Variants in DCC observed in about 807,000 individuals in gnomAD.
The protein encoded by DCC is DCC netrin 1 receptor.
A neutral mutation model predicts 172.5 loss-of-function variants in DCC; 58 were observed. The ratio of observed to expected loss-of-function variants is 0.34; its 90% CI spans 0.27 to 0.42. The LOEUF (loss-of-function observed/expected upper bound fraction) is 0.42, where lower values mean the gene tolerates loss of function less well. Ranked by LOEUF, DCC falls within the 10% of genes least tolerant of loss-of-function variation. The pLI is 1.00. For synonymous variants in DCC, 709 were observed against 644.5 expected, an observed-to-expected ratio of 1.10 and a Z score of -1.52; for missense variants, 1,740 against 1,791.0, an observed-to-expected ratio of 0.97 and a Z score of 0.51.
intron 2 of DCC, among the ~76,000 whole-genome samples, chr18:52,813,663 G>GT (rs900082572): frequency 6.6e-6 from 1 of 152,194 alleles, no homozygotes; most frequent in Non-Finnish European, 1.5e-5. Context: ...CTGTGAGGTT[G>GT]TTTTTGGTTG....
intron 2 of DCC, among the ~76,000 whole-genome samples, chr18:52,874,595 T>C (rs1312440231): frequency 3.9e-5 from 6 of 152,212 alleles, no homozygotes; most frequent in Admixed American, 1.3e-4. Context: ...TCATATCTCT[T>C]TTATGGGTCT....
At chr18:53,297,330 A>G (rs1337056773) in intron 12 of DCC, among the ~76,000 whole-genome samples, 1 of 152,204 alleles carries the variant, frequency 6.6e-6, no homozygotes, top group African/African-American at 2.4e-5. Context: ...TTTACTTGGC[A>G]AATAAATAAT....
chr18:52,885,653 CTG>C (rs1304415345), intron 2 of DCC, among the ~76,000 whole-genome samples: 1 of 152,134 alleles, frequency 6.6e-6, no homozygotes, highest in Non-Finnish European at 1.5e-5. Context: ...CTTTACCCCA[CTG>C]TGGCCAAAGC....
chr18:52,502,650 T>G (rs554248742), intron 1 of DCC, among the ~76,000 whole-genome samples: 15 of 152,148 alleles, frequency 9.9e-5, no homozygotes, highest in Non-Finnish European at 1.5e-4. Flanking sequence ...AAATAGCCAA[T>G]CCATTGCTGG....
At chr18:53,271,422 G>A (rs948646726) in intron 12 of DCC, among the ~76,000 whole-genome samples, 7 of 152,298 alleles carry the variant, frequency 4.6e-5, no homozygotes, top group Middle Eastern at 3.4e-3. Context: ...TCAGCTGGGT[G>A]CCTGTGGCTC....
At chr18:52,915,743 A>T (rs1189385436) in intron 3 of DCC, among the ~76,000 whole-genome samples, 1 of 152,142 alleles carries the variant, frequency 6.6e-6, no homozygotes, top group East Asian at 1.9e-4. Context: ...GAGGCAGAAA[A>T]GAGGAAGGAA....
chr18:53,330,747 T>C (rs1014945045), intron 14 of DCC, among the ~76,000 whole-genome samples: 2 of 152,180 alleles, frequency 1.3e-5, no homozygotes, highest in Non-Finnish European at 2.9e-5. Context: ...CAAGTGTATT[T>C]TCACATATAT....
chr18:53,472,964 A>T (rs2045716294), intron 25 of DCC, among the ~76,000 whole-genome samples: 1 of 152,180 alleles, frequency 6.6e-6, no homozygotes, highest in African/African-American at 2.4e-5. Context: ...CTCATTGCTG[A>T]TCCACAAATA....
chr18:52,909,073 TTGAG>T (rs958506469), intron 3 of DCC, among the ~76,000 whole-genome samples: 10 of 152,064 alleles, frequency 6.6e-5, no homozygotes, highest in East Asian at 1.9e-4. Context: ...AAGTACAAGA[TTGAG>T]TGAGTGCATG....
chr18:52,758,711 C>T (rs1466969809), intron 2 of DCC: 1 of 151,120 alleles, frequency 6.6e-6, no homozygotes, highest in African/African-American at 2.4e-5. Context: ...GAAGAATAAA[C>T]CACATTGCCT....
rs144418407 is a variant in DCC at position 52,702,734 on chromosome 18, C to T, written c.92-49320C>T. ...TTGGCCTTGTGGGGAATTCACATTG[C>T]AAATTGTCATCCTTCATTCAAACCA... is the stretch of plus-strand genomic sequence containing the variant. On this transcript the variant is annotated intron_variant, in intron 1 of 28. Coordinates refer to ENST00000442544, the MANE Select transcript of DCC (RefSeq NM_005215.4). Among the ~76,000 whole-genome samples the T allele has an allele frequency of 4.3e-3, 654 of 152,248 alleles. 6 individuals carry two copies. Among genetic ancestry groups the T allele is most frequent in the African/African-American group, 0.015 (631 of 41,556 alleles).
chr18:53,384,857 C>CT (rs1456310337), intron 15 of DCC, among the ~76,000 whole-genome samples: 21 of 145,378 alleles, frequency 1.4e-4, no homozygotes, highest in East Asian at 2.0e-4. Context: ...ATTTTTTTTT[C>CT]TTTTTTTTGA....
At chr18:52,680,659 AT>A (rs1218581852) in intron 1 of DCC, among the ~76,000 whole-genome samples, 1 of 152,120 alleles carries the variant, frequency 6.6e-6, no homozygotes, top group African/African-American at 2.4e-5. Flanking sequence ...TGAATTGCAC[AT>A]AGTGCAAACC....
In DCC at chr18:53,351,424, GTGTATATATATATACAGTGTATA is replaced by G. The variant is rs1568075314; in HGVS notation, c.2359+11519_2359+11541del. On this transcript the variant is annotated intron_variant, in intron 15 of 28. Transcript: ENST00000442544. ...GTGTATATATATATATATACACACT[GTGTATATATATATACAGTGTATA>G]TATATATATACACAGTGTGTATATA... Among the ~76,000 whole-genome samples, 5 of 18,812 alleles carry G rather than the reference GTGTATATATATATACAGTGTATA, an allele frequency of 2.7e-4. 1 individual carries two copies. In the East Asian group the frequency reaches 0.01, roughly 39 times the overall value. 12.3% of individuals were successfully genotyped at this position (18,812 alleles called of 152,430 possible).
intron 2 of DCC, among the ~76,000 whole-genome samples, chr18:52,803,855 C>T (rs1486383023): frequency 1.3e-5 from 2 of 152,104 alleles, no homozygotes; most frequent in Admixed American, 1.3e-4. Flanking sequence ...TAAGTAAATG[C>T]CAGCATTTTA....
chr18:52,907,859 TTAC>T, intron 3 of DCC, among the ~76,000 whole-genome samples: 1 of 152,158 alleles, frequency 6.6e-6, no homozygotes, highest in African/African-American at 2.4e-5. Flanking sequence ...ATGTAAGTAA[TTAC>T]AATAGGGTGT....
At chr18:53,248,902 T>C (rs1598945600) in intron 12 of DCC, among the ~76,000 whole-genome samples, 1 of 152,036 alleles carries the variant, frequency 6.6e-6, no homozygotes, top group East Asian at 1.9e-4. Context: ...TTGGCAACTA[T>C]GTATTTTAGG....
At chr18:52,493,493 T>C (rs1359691195) in intron 1 of DCC, among the ~76,000 whole-genome samples, 1 of 152,080 alleles carries the variant, frequency 6.6e-6, no homozygotes, top group East Asian at 1.9e-4. Context: ...ATAATCGTAA[T>C]AGTTTATGTT....
chr18:52,968,981 C>T (rs929305109), intron 5 of DCC, among the ~76,000 whole-genome samples: 1 of 152,082 alleles, frequency 6.6e-6, no homozygotes, highest in Non-Finnish European at 1.5e-5. Context: ...ATTCTCTCTC[C>T]CTTAGCCTGT....
Sources: gnomAD v4.1 joint callset for allele counts (sites outside exome capture counted in the v4.1 genomes callset) on GRCh38, gnomAD v4.1.1 for gene constraint, MANE v1.5 for transcripts, NCBI Gene and HGNC (gene_info 2026-07-23, HGNC 2026-07-21) for gene names.